Variants in UBASH3B observed in about 807,000 individuals in gnomAD.
The protein encoded by UBASH3B is ubiquitin-associated and SH3 domain-containing protein B.
UBASH3B carries 37 observed loss-of-function variants against 83.4 expected under a neutral mutation model. The ratio of observed to expected loss-of-function variants is 0.44; its 90% confidence interval spans 0.34 to 0.58. UBASH3B has a LOEUF of 0.58. Among genes scored for constraint, UBASH3B ranks in the 20% least tolerant of loss-of-function variants. The probability of loss-of-function intolerance (pLI) is 0.01; values close to 1 mark genes in which losing one functional copy is unlikely to be tolerated. For synonymous variants in UBASH3B, 304 were observed against 318.3 expected (o/e 0.96, Z 0.48); for missense variants, 657 against 827.2 (o/e 0.79, Z 2.52).
chr11:122,740,192 GAC>G (rs1482754725), intron 1 of UBASH3B, among the ~76,000 whole-genome samples: 1 of 152,176 alleles, frequency 6.6e-6, no homozygotes, highest in African/African-American at 2.4e-5. Flanking sequence ...AAGATCTAAA[GAC>G]ATAATTTAAG....
chr11:122,719,001 C>G (rs1219769585), intron 1 of UBASH3B, among the ~76,000 whole-genome samples: 1 of 152,178 alleles, frequency 6.6e-6, no homozygotes, highest in Non-Finnish European at 1.5e-5. Context: ...TGATCCACTG[C>G]ACTCCAGCCT....
At position 122,713,098 on chromosome 11, in the gene UBASH3B, G is replaced by A. The variant is rs4417282; in HGVS notation, c.161+56888G>A. Among the ~76,000 whole-genome samples the A allele has an allele frequency of 8.6e-3, 1,307 of 151,700 alleles. 27 individuals are homozygous for A. Among genetic ancestry groups the A allele is most frequent in the African/African-American group, 0.031 (1,266 of 41,344 alleles). On this transcript the variant is annotated intron_variant, in intron 1 of 13. Transcript: ENST00000284273. Reference sequence around the variant, plus strand: ...AATTTTTTGTATTTTTAGTAGAGACGGGGTTTCACCATGTTAGCCAGGATG... The same window carrying A: ...AATTTTTTGTATTTTTAGTAGAGACAGGGTTTCACCATGTTAGCCAGGATG...
At chr11:122,662,853 A>G (rs1409843277) in intron 1 of UBASH3B, among the ~76,000 whole-genome samples, 1 of 151,982 alleles carries the variant, frequency 6.6e-6, no homozygotes, top group Admixed American at 6.6e-5. Flanking sequence ...TCCTGCATGT[A>G]TCAATAGTTT....
chr11:122,693,939 C>T (rs1181966696), intron 1 of UBASH3B, among the ~76,000 whole-genome samples: 1 of 152,132 alleles, frequency 6.6e-6, no homozygotes, highest in Admixed American at 6.5e-5. Context: ...CAGTCATTCA[C>T]CCAGTTGTGT....
rs565517315 is a variant in UBASH3B at position 122,698,995 on chromosome 11, G to A, written c.161+42785G>A. Among the ~76,000 whole-genome samples the A allele has an allele frequency of 7.9e-4, 120 of 152,176 alleles. 2 individuals carry two copies. In the South Asian group the frequency reaches 0.024, roughly 31 times the overall value. On this transcript the variant is annotated intron_variant, in intron 1 of 13. Transcript: ENST00000284273. Reference sequence around the variant, plus strand: ...CCCCTGAATAGCTGGGGCTGCAGGTGCCCAGCACCACACCCAGCTAATTTT... The same window carrying A: ...CCCCTGAATAGCTGGGGCTGCAGGTACCCAGCACCACACCCAGCTAATTTT...
At chr11:122,756,231 A>C (rs769119450) in intron 1 of UBASH3B, among the ~76,000 whole-genome samples, 1 of 152,214 alleles carries the variant, frequency 6.6e-6, no homozygotes, top group Non-Finnish European at 1.5e-5. Context: ...TCCTCTTTGT[A>C]GTCCAGAAAT....
At chr11:122,768,484 G>GTT (rs925951263) in intron 1 of UBASH3B, among the ~76,000 whole-genome samples, 1 of 126,646 alleles carries the variant, frequency 7.9e-6, no homozygotes, top group Admixed American at 8.1e-5. Context: ...GTGTGTGTGT[G>GTT]TGTGTGTGTG....
At chr11:122,801,090 G>A in intron 10 of UBASH3B, 98 bp from the exon 11 acceptor site, 1 of 1,445,448 alleles carries the variant, frequency 6.9e-7, no homozygotes, top group East Asian at 2.3e-5. Flanking sequence ...ATAGCAGCCA[G>A]TAGGAAAGAG....
At chr11:122,698,642 G>T (rs777844954) in intron 1 of UBASH3B, among the ~76,000 whole-genome samples, 7 of 152,060 alleles carry the variant, frequency 4.6e-5, no homozygotes, top group Non-Finnish European at 8.8e-5. Context: ...GCCGTGTGTG[G>T]AGGCTCACTG....
In UBASH3B at chr11:122,797,083, C is replaced by T. The variant is rs756840686; in HGVS notation, c.1357+50C>T. ...TCCAGGCATTTCTTGCCTCCTCCTT[C>T]AAAACACTGGTACCATGGATATGCA... On this transcript the variant is annotated intron_variant, in intron 9 of 13. Coordinates refer to ENST00000284273, the MANE Select transcript of UBASH3B (RefSeq NM_032873.5). 8 of 1,540,764 alleles carry T rather than the reference C, an allele frequency of 5.2e-6. 1 individual carries two copies. In the South Asian group the frequency reaches 1.0e-4, roughly 20 times the overall value.
intron 1 of UBASH3B, chr11:122,726,120 T>G (rs754557917): frequency 3.3e-5 from 5 of 152,240 alleles, no homozygotes; most frequent in Non-Finnish European, 7.3e-5. Context: ...TCTGTGCTCA[T>G]CCACCCTGTT....
intron 1 of UBASH3B, among the ~76,000 whole-genome samples, chr11:122,698,819 G>A (rs1430006337): frequency 6.6e-6 from 1 of 152,078 alleles, no homozygotes; most frequent in Non-Finnish European, 1.5e-5. Flanking sequence ...GGTTATAAAT[G>A]TGTAGTGTGT....
chr11:122,665,259 C>T (rs1324353539), intron 1 of UBASH3B, among the ~76,000 whole-genome samples: 1 of 152,060 alleles, frequency 6.6e-6, no homozygotes, highest in East Asian at 1.9e-4. Context: ...CTCATTGCAG[C>T]CTCGAACACT....
At chr11:122,674,949 G>A (rs181343098) in intron 1 of UBASH3B, among the ~76,000 whole-genome samples, 104 of 151,762 alleles carry the variant, frequency 6.9e-4, no homozygotes, top group African/African-American at 2.0e-3. Flanking sequence ...GGCTGGTCTC[G>A]AACTCCTCAC....
chr11:122,776,111 T>C lies in UBASH3B; in HGVS notation c.162-108T>C, dbSNP rs149225508. 2,153 of 966,454 alleles carry C rather than the reference T, an allele frequency of 2.2e-3. 6 individuals are homozygous for C. Among genetic ancestry groups the C allele is most frequent in the Non-Finnish European group, 3.0e-3 (1,899 of 638,102 alleles). 59.9% of individuals were successfully genotyped at this position (966,454 alleles called of 1,614,324 possible). ...GGTGTCTACTCCCCACCACAGAGGA[T>C]TGAGTGGAACACAGGCTTTGATGTC... On this transcript the variant is annotated intron_variant, in intron 1 of 13. Coordinates refer to ENST00000284273, the MANE Select transcript of UBASH3B (RefSeq NM_032873.5).
chr11:122,761,917 G>A (rs1026761194), intron 1 of UBASH3B, among the ~76,000 whole-genome samples: 2 of 149,324 alleles, frequency 1.3e-5, no homozygotes, highest in South Asian at 2.1e-4. Context: ...TCAGCCTCCC[G>A]AGTAGCTGGG....
intron 1 of UBASH3B, among the ~76,000 whole-genome samples, chr11:122,725,338 A>AG (rs199740140): frequency 0.012 from 1,666 of 136,246 alleles, 48 homozygotes; most frequent in African/African-American, 0.04. Flanking sequence ...CAAAAAAAAA[A>AG]AAAAAAGAAA....
chr11:122,779,359 C>G, intron 3 of UBASH3B, 138 bp from the exon 4 acceptor site: 1 of 866,678 alleles, frequency 1.2e-6, no homozygotes, highest in Non-Finnish European at 1.8e-6. Context: ...TTCCTCTCTC[C>G]CCACAGACAG....
intron 1 of UBASH3B, among the ~76,000 whole-genome samples, chr11:122,674,535 C>A (rs765986211): frequency 6.6e-6 from 1 of 152,026 alleles, no homozygotes; most frequent in East Asian, 1.9e-4. Context: ...CGCCCGCCAC[C>A]ACACCCGGCT....
Sources: gnomAD v4.1 joint callset for allele counts (sites outside exome capture counted in the v4.1 genomes callset) on GRCh38, gnomAD v4.1.1 for gene constraint, MANE v1.5 for transcripts, NCBI Gene and HGNC (gene_info 2026-07-23, HGNC 2026-07-21) for gene names.